Variants in RPRD1B observed in about 807,000 individuals in gnomAD.
The protein encoded by RPRD1B is regulation of nuclear pre-mRNA domain-containing protein 1B.
A neutral mutation model predicts 41.5 loss-of-function variants in RPRD1B; 11 were observed. That is an observed-to-expected ratio of 0.27 (90% CI 0.17 to 0.44). The LOEUF is 0.44. Among genes scored for constraint, RPRD1B ranks in the 20% least tolerant of loss-of-function variants. RPRD1B has a pLI of 1.00. For synonymous variants in RPRD1B, 158 were observed against 155.6 expected (o/e 1.02, Z -0.12); for missense variants, 248 against 389.9 (o/e 0.64, Z 3.06).
intron 6 of RPRD1B, 21 bp from the exon 7 acceptor site, chr20:38,089,705 G>A: frequency 6.2e-7 from 1 of 1,605,976 alleles, no homozygotes; most frequent in Non-Finnish European, 8.5e-7. Flanking sequence ...TAACGGTATT[G>A]TCTTCTCTTT....
At chr20:38,038,430 C>T (rs564042916) in intron 1 of RPRD1B, among the ~76,000 whole-genome samples, 2 of 151,474 alleles carry the variant, frequency 1.3e-5, no homozygotes, top group Non-Finnish European at 2.9e-5. Context: ...CTGCCTCAGC[C>T]TCCCAAGTAG....
chr20:38,077,758 C>T (rs1287128976), intron 6 of RPRD1B, among the ~76,000 whole-genome samples: 1 of 152,204 alleles, frequency 6.6e-6, no homozygotes, highest in East Asian at 1.9e-4. Flanking sequence ...TCTACATCTG[C>T]TCTTAGGCCC....
intron 6 of RPRD1B, among the ~76,000 whole-genome samples, chr20:38,068,193 C>T (rs554381488): frequency 2.6e-5 from 4 of 152,258 alleles, no homozygotes; most frequent in African/African-American, 9.6e-5. Flanking sequence ...CGTTGCTCTG[C>T]GCGGTTCATT....
At chr20:38,045,792 T>C (rs1057386967) in intron 2 of RPRD1B, among the ~76,000 whole-genome samples, 6 of 152,238 alleles carry the variant, frequency 3.9e-5, no homozygotes, top group Non-Finnish European at 8.8e-5. Flanking sequence ...GCAAACAGAT[T>C]TTATGCTAAA....
intron 6 of RPRD1B, among the ~76,000 whole-genome samples, chr20:38,072,880 C>T (rs997148652): frequency 2.6e-5 from 4 of 152,118 alleles, no homozygotes; most frequent in African/African-American, 9.7e-5. Context: ...GTCACAACAG[C>T]AGCTTTACAA....
chr20:38,085,404 C>G (rs1407960913), intron 6 of RPRD1B: 2 of 152,212 alleles, frequency 1.3e-5, no homozygotes, highest in African/African-American at 2.4e-5. Context: ...GTGTCTGAAA[C>G]AAGAAGCATG....
intron 3 of RPRD1B, chr20:38,049,691 A>T (rs2074163297): frequency 2.1e-6 from 1 of 470,818 alleles, no homozygotes; most frequent in Admixed American, 2.4e-5. Flanking sequence ...AAAGAGTAAG[A>T]TCAAATGTTG....
intron 6 of RPRD1B, among the ~76,000 whole-genome samples, chr20:38,082,647 A>T (rs1447098865): frequency 6.6e-6 from 1 of 152,172 alleles, no homozygotes; most frequent in African/African-American, 2.4e-5. Flanking sequence ...TTGGCCTCCC[A>T]AAGTGCTGGG....
chr20:38,067,357 C>T (rs902678979), intron 6 of RPRD1B, among the ~76,000 whole-genome samples: 1 of 152,100 alleles, frequency 6.6e-6, no homozygotes, highest in African/African-American at 2.4e-5. Flanking sequence ...TGAAGGAGGA[C>T]ACTTCTGAGT....
At chr20:38,076,063 A>G (rs1379980774) in intron 6 of RPRD1B, among the ~76,000 whole-genome samples, 5 of 152,222 alleles carry the variant, frequency 3.3e-5, no homozygotes, top group Admixed American at 2.6e-4. Flanking sequence ...GACAGTAATT[A>G]TGAATGGACA....
chr20:38,045,543 T>G (rs1252556125), intron 2 of RPRD1B, among the ~76,000 whole-genome samples: 1 of 152,204 alleles, frequency 6.6e-6, no homozygotes. Flanking sequence ...CTTTTGGCCT[T>G]TAGTAGTAAA....
At chr20:38,079,819 G>GAACT (rs2074497512) in intron 6 of RPRD1B, among the ~76,000 whole-genome samples, 1 of 152,174 alleles carries the variant, frequency 6.6e-6, no homozygotes, top group Non-Finnish European at 1.5e-5. Flanking sequence ...CACAGTAGCT[G>GAACT]AACTAATTTA....
At chr20:38,071,370 C>T (rs1157455766) in intron 6 of RPRD1B, among the ~76,000 whole-genome samples, 1 of 152,202 alleles carries the variant, frequency 6.6e-6, no homozygotes. Flanking sequence ...TAGCATATAT[C>T]AGTACTTCAT....
chr20:38,087,514 G>C (rs1451044990), intron 6 of RPRD1B, among the ~76,000 whole-genome samples: 2 of 152,182 alleles, frequency 1.3e-5, no homozygotes, highest in Admixed American at 6.5e-5. Context: ...TCTGAGTCGA[G>C]GTGGCTTTGA....
At chr20:38,070,014 T>G (rs992303610) in intron 6 of RPRD1B, among the ~76,000 whole-genome samples, 8 of 104,150 alleles carry the variant, frequency 7.7e-5, no homozygotes, top group Non-Finnish European at 2.0e-4. Context: ...GAGAAAAGGG[T>G]TTTTTTTTAA....
chr20:38,091,061 T>C lies in RPRD1B; in HGVS notation c.*1186T>C, dbSNP rs796924420. The C allele has an allele frequency of 1.0e-6, 1 of 985,686 alleles. No individual in the cohort carries two copies. Among genetic ancestry groups the C allele is most frequent in the African/African-American group, 1.7e-5 (1 of 57,352 alleles). 61.1% of individuals were successfully genotyped at this position (985,686 alleles called of 1,614,324 possible). A position where few individuals can be genotyped will look rare whatever the true frequency, so the allele number is the denominator to read the frequency against. On this transcript the variant is annotated 3_prime_UTR_variant, in exon 7 of 7. Transcript: ENST00000373433. ...CTGACATTATGACTATATAATGTAG[T>C]TAGAGACAATTTTTATCTTGCTTAT...
At chr20:38,054,917 A>G (rs1010130663) in intron 3 of RPRD1B, among the ~76,000 whole-genome samples, 1 of 152,232 alleles carries the variant, frequency 6.6e-6, no homozygotes, top group African/African-American at 2.4e-5. Flanking sequence ...TATAGCACAC[A>G]TTAATTAGGC....
chr20:38,070,638 T>C, intron 6 of RPRD1B: 1 of 985,224 alleles, frequency 1.0e-6, no homozygotes, highest in Non-Finnish European at 1.2e-6. Flanking sequence ...GCATGATCAG[T>C]GCATGTGGAA....
chr20:38,081,719 A>C (rs1406851831), intron 6 of RPRD1B, among the ~76,000 whole-genome samples: 1 of 152,140 alleles, frequency 6.6e-6, no homozygotes, highest in Non-Finnish European at 1.5e-5. Context: ...ATTTTGAGGT[A>C]TGTTCCTTCG....
Sources: allele counts gnomAD v4.1 joint callset (sites outside exome capture counted in the v4.1 genomes callset), GRCh38; gene constraint gnomAD v4.1.1; transcripts MANE v1.5; gene names NCBI Gene and HGNC (gene_info 2026-07-23, HGNC 2026-07-21).